TLN2: variants seen among roughly 807,000 people sequenced by gnomAD.
TLN2 encodes the protein talin-2.
Under a neutral mutation model 294.7 loss-of-function variants are expected in TLN2, and 118 were observed. That is an observed-to-expected ratio of 0.40 (90% CI 0.34 to 0.47). The LOEUF (loss-of-function observed/expected upper bound fraction) is 0.47, where lower values mean the gene tolerates loss of function less well. Among genes scored for constraint, TLN2 ranks in the 20% least tolerant of loss-of-function variants. The pLI is 0.84. For synonymous variants in TLN2, 1,431 were observed against 1,304.5 expected, an observed-to-expected ratio of 1.10 and a Z score of -2.09; for missense variants, 3,083 against 3,282.2, an observed-to-expected ratio of 0.94 and a Z score of 1.48.
intron 11 of TLN2, among the ~76,000 whole-genome samples, chr15:62,677,637 T>C (rs2056364157): frequency 6.6e-6 from 1 of 152,036 alleles, no homozygotes; most frequent in African/African-American, 2.4e-5. Context: ...TTTTACACAA[T>C]TATTTAAGGC....
intron 39 of TLN2, among the ~76,000 whole-genome samples, chr15:62,762,698 G>A (rs951372451): frequency 1.3e-5 from 2 of 152,130 alleles, no homozygotes; most frequent in African/African-American, 4.8e-5. Flanking sequence ...GTCTTATAAG[G>A]TACCACTGTC....
At chr15:62,687,044 C>T (rs1429805164) in intron 12 of TLN2, among the ~76,000 whole-genome samples, 1 of 152,320 alleles carries the variant, frequency 6.6e-6, no homozygotes, top group East Asian at 1.9e-4. Context: ...GCCTCTAGTT[C>T]ATTATCTAGA....
chr15:62,790,338 G>A (rs1326647568), intron 45 of TLN2, among the ~76,000 whole-genome samples: 1 of 152,014 alleles, frequency 6.6e-6, no homozygotes, highest in African/African-American at 2.4e-5. Flanking sequence ...ATTTCGAGAG[G>A]GAGAGGAAGG....
At chr15:62,443,272 C>T (rs1443920375) in intron 1 of TLN2, among the ~76,000 whole-genome samples, 4 of 152,156 alleles carry the variant, frequency 2.6e-5, no homozygotes, top group Non-Finnish European at 5.9e-5. Context: ...TTAATAAATG[C>T]CTTCTGTTAT....
At chr15:62,685,015 C>T (rs1183187097) in intron 11 of TLN2, among the ~76,000 whole-genome samples, 1 of 151,228 alleles carries the variant, frequency 6.6e-6, no homozygotes, top group East Asian at 1.9e-4. Flanking sequence ...TGCTAGGTTT[C>T]AGCAAATATG....
chr15:62,808,251 A>G (rs7178912), intron 51 of TLN2, among the ~76,000 whole-genome samples: 116,184 of 152,174 alleles, frequency 0.76, 44,612 homozygotes, highest in Non-Finnish European at 0.8. Flanking sequence ...TATATTAGAT[A>G]TAATTTTATG....
At position 62,833,664 on chromosome 15, in the gene TLN2, A is replaced by G. The variant is rs1192763158; in HGVS notation, c.7128+35A>G. ...GCCGCTGACCACATGCGGGACACTCAACGTACGAGAGCCTCAGGGGGCCCA... is the reference window on the plus strand; with the variant it reads ...GCCGCTGACCACATGCGGGACACTCGACGTACGAGAGCCTCAGGGGGCCCA... On this transcript the variant is annotated intron_variant, in intron 55 of 58. Coordinates refer to ENST00000636159, the MANE Select transcript of TLN2 (RefSeq NM_015059.3). 6.9e-6 allele frequency: 11 copies of G among 1,603,168 alleles called. No individual in the cohort carries two copies. The Admixed American group carries it at 1.9e-4, about 27-fold the overall frequency.
intron 1 of TLN2, among the ~76,000 whole-genome samples, chr15:62,447,194 A>T (rs2140314108): frequency 6.7e-6 from 1 of 148,260 alleles, no homozygotes; most frequent in Non-Finnish European, 1.5e-5. Flanking sequence ...TTTAATTAGG[A>T]ACTATTCACT....
chr15:62,643,443 T>C (rs11633837), intron 3 of TLN2, among the ~76,000 whole-genome samples: 1 of 122,734 alleles, frequency 8.1e-6, no homozygotes, highest in African/African-American at 3.0e-5. Context: ...TTTTTTTTGG[T>C]ATATTGTGTT....
At chr15:62,606,792 T>A (rs1179109179) in intron 2 of TLN2, among the ~76,000 whole-genome samples, 1 of 147,524 alleles carries the variant, frequency 6.8e-6, no homozygotes, top group African/African-American at 2.5e-5. Flanking sequence ...CTGTGTAGAT[T>A]GTAGTGTCAG....
chr15:62,615,825 G>A (rs1220625549), intron 2 of TLN2, among the ~76,000 whole-genome samples: 1 of 152,136 alleles, frequency 6.6e-6, no homozygotes. Context: ...CCAAAAATAT[G>A]GTGCCTCTCT....
At chr15:62,829,079 A>G (rs1209320700) in intron 54 of TLN2, 1 of 149,774 alleles carries the variant, frequency 6.7e-6, no homozygotes, top group Non-Finnish European at 1.5e-5. Context: ...AGGGCTATCC[A>G]TTTATTTATT....
At chr15:62,619,702 T>A (rs1287111975) in intron 3 of TLN2, among the ~76,000 whole-genome samples, 3 of 152,152 alleles carry the variant, frequency 2.0e-5, no homozygotes, top group African/African-American at 7.2e-5. Flanking sequence ...TAGAGGAGAA[T>A]GGCATGTGAA....
chr15:62,758,802 G>A (rs986851101), intron 37 of TLN2: 1 of 152,226 alleles, frequency 6.6e-6, no homozygotes, highest in African/African-American at 2.4e-5. Context: ...GAGCCAGGAG[G>A]CTCGGTTCAT....
intron 1 of TLN2, among the ~76,000 whole-genome samples, chr15:62,585,337 T>G (rs1413076162): frequency 6.6e-6 from 1 of 152,202 alleles, no homozygotes; most frequent in East Asian, 1.9e-4. Context: ...ATTTACCAAA[T>G]ACTTATTGGA....
intron 1 of TLN2, among the ~76,000 whole-genome samples, chr15:62,514,613 A>G (rs1340748273): frequency 6.6e-6 from 1 of 152,238 alleles, no homozygotes; most frequent in Non-Finnish European, 1.5e-5. Flanking sequence ...GAGGGAAAGA[A>G]AGGGAAATTG....
At chr15:62,517,506 G>A (rs970514383) in intron 1 of TLN2, among the ~76,000 whole-genome samples, 5 of 152,176 alleles carry the variant, frequency 3.3e-5, no homozygotes, top group African/African-American at 1.2e-4. Context: ...GCCGAGCAGT[G>A]GAGAAAAATG....
chr15:62,660,680 T>C (rs941401402), intron 9 of TLN2, among the ~76,000 whole-genome samples: 1 of 152,202 alleles, frequency 6.6e-6, no homozygotes, highest in Non-Finnish European at 1.5e-5. Context: ...TGTACAAATG[T>C]GTGGGGTTCA....
chr15:62,813,896 C>A (rs1270238612), intron 52 of TLN2, among the ~76,000 whole-genome samples: 1 of 151,642 alleles, frequency 6.6e-6, no homozygotes, highest in East Asian at 1.9e-4. Context: ...CTCACTGTAA[C>A]CTCCGCCTCC....
Sources: gnomAD v4.1 joint callset for allele counts (sites outside exome capture counted in the v4.1 genomes callset) on GRCh38, gnomAD v4.1.1 for gene constraint, MANE v1.5 for transcripts, NCBI Gene and HGNC (gene_info 2026-07-23, HGNC 2026-07-21) for gene names.